Variants in DOCK4 observed in about 807,000 individuals in gnomAD.
DOCK4 encodes dedicator of cytokinesis 4, also known as dedicator of cytokinesis protein 4.
In DOCK4, 97 loss-of-function variants were observed where a neutral mutation model predicts 268.1. The observed-to-expected ratio is 0.36, with a 90% CI of 0.31 to 0.43. The LOEUF (loss-of-function observed/expected upper bound fraction) is 0.43. Ranked by LOEUF, DOCK4 falls within the 20% of genes least tolerant of loss-of-function variation. The pLI is 1.00. For missense variants in DOCK4, 2,145 were observed against 2,455.7 expected, an observed-to-expected ratio of 0.87 and a Z score of 2.67; for synonymous variants, 954 against 887.2, an observed-to-expected ratio of 1.08 and a Z score of -1.34.
chr7:111,733,355 GGTCA>G (rs1563423375), intron 51 of DOCK4, among the ~76,000 whole-genome samples: 1 of 152,154 alleles, frequency 6.6e-6, no homozygotes, highest in Non-Finnish European at 1.5e-5. Flanking sequence ...GGTCCTAAGG[GGTCA>G]GTGAGAGTGC....
intron 1 of DOCK4, among the ~76,000 whole-genome samples, chr7:112,082,169 T>C (rs185575194): frequency 5.3e-5 from 8 of 152,260 alleles, no homozygotes; most frequent in East Asian, 1.9e-4. Flanking sequence ...TAATGAAATA[T>C]TGAACCTGAA....
chr7:112,174,399 A>G (rs887914642), intron 1 of DOCK4, among the ~76,000 whole-genome samples: 1 of 152,120 alleles, frequency 6.6e-6, no homozygotes, highest in African/African-American at 2.4e-5. Flanking sequence ...CTGACATTCT[A>G]TCACGAAAAG....
At chr7:111,815,630 TCCCCCA>T (rs1801484713) in intron 27 of DOCK4, among the ~76,000 whole-genome samples, 4 of 126,544 alleles carry the variant, frequency 3.2e-5, no homozygotes, top group African/African-American at 1.2e-4. Context: ...TTCCTTCCCC[TCCCCCA>T]TCCCCTCCCC....
At chr7:111,870,209 AT>A (rs1310817094) in intron 20 of DOCK4, among the ~76,000 whole-genome samples, 1 of 151,598 alleles carries the variant, frequency 6.6e-6, no homozygotes, top group Non-Finnish European at 1.5e-5. Flanking sequence ...GGCCAAGGTA[AT>A]TTTTTTTCCT....
At chr7:111,772,763 T>A (rs1290910302) in intron 36 of DOCK4, among the ~76,000 whole-genome samples, 8 of 152,044 alleles carry the variant, frequency 5.3e-5, no homozygotes, top group African/African-American at 7.2e-5. Context: ...GCCATTGCAC[T>A]CCAGCCTGGG....
chr7:111,925,636 C>T (rs550271780), intron 12 of DOCK4, among the ~76,000 whole-genome samples: 1 of 152,164 alleles, frequency 6.6e-6, no homozygotes, highest in East Asian at 1.9e-4. Context: ...TACTCAAAGC[C>T]TCTACCCAGT....
intron 1 of DOCK4, among the ~76,000 whole-genome samples, chr7:112,143,937 T>C (rs947239176): frequency 2.0e-5 from 3 of 152,236 alleles, no homozygotes; most frequent in African/African-American, 4.8e-5. Flanking sequence ...CCTACACGGA[T>C]TGTAAACTTT....
intron 25 of DOCK4, among the ~76,000 whole-genome samples, chr7:111,840,190 C>T (rs143665151): frequency 2.6e-5 from 4 of 152,134 alleles, no homozygotes; most frequent in African/African-American, 7.2e-5. Flanking sequence ...ACTGTCTTCA[C>T]GAAACCTATT....
chr7:112,022,217 G>A (rs1052691580), intron 1 of DOCK4, among the ~76,000 whole-genome samples: 7 of 152,152 alleles, frequency 4.6e-5, no homozygotes, highest in African/African-American at 1.2e-4. Context: ...AACATCTACC[G>A]CAGACTGGAT....
At chr7:112,135,935 C>A (rs953837358) in intron 1 of DOCK4, among the ~76,000 whole-genome samples, 4 of 152,160 alleles carry the variant, frequency 2.6e-5, no homozygotes, top group Non-Finnish European at 4.4e-5. Context: ...TCCAGGCCAC[C>A]TGCCCCAAAT....
intron 23 of DOCK4, among the ~76,000 whole-genome samples, chr7:111,862,214 G>A (rs1267987969): frequency 1.3e-5 from 2 of 151,510 alleles, no homozygotes; most frequent in Non-Finnish European, 2.9e-5. Context: ...CAGGACAATC[G>A]CTTGAACCTG....
intron 1 of DOCK4, among the ~76,000 whole-genome samples, chr7:112,125,858 G>T (rs1813173642): frequency 6.6e-6 from 1 of 151,936 alleles, no homozygotes; most frequent in Admixed American, 6.6e-5. Context: ...ACCCAGACTG[G>T]GATACTGTGG....
At chr7:112,159,893 T>C (rs972219150) in intron 1 of DOCK4, among the ~76,000 whole-genome samples, 3 of 146,308 alleles carry the variant, frequency 2.1e-5, no homozygotes, top group African/African-American at 8.0e-5. Flanking sequence ...TATACACACA[T>C]AATGTATATA....
At chr7:111,883,534 C>A (rs147845626) in intron 16 of DOCK4, among the ~76,000 whole-genome samples, 1 of 152,296 alleles carries the variant, frequency 6.6e-6, no homozygotes, top group East Asian at 1.9e-4. Context: ...TCTCCTCCCC[C>A]TAACTGCCTG....
chr7:111,877,101 T>G lies in DOCK4; in HGVS notation c.1673A>C (p.Gln558Pro). Residue 558 changes from glutamine (Q) to proline (P), a missense_variant, in exon 17 of 53, where the codon CAA (glutamine) becomes CCA (proline). Gln to Pro is a moderately conservative substitution (Grantham distance 76). Around this residue, in one of 2 missense-constraint regions of DOCK4, gnomAD observed 1,598 missense variants for 1,986.7 expected, o/e 0.80. Coordinates refer to ENST00000428084, the MANE Select transcript of DOCK4 (RefSeq NM_001363540.2). ...SKGIFLGNNN[Q>P]AMKATKESFC... ...GGACTCCTTTGTGGCCTTCATGGCTTGATTATTATTCCCAAGGAAAATGCC... is the reference window on the plus strand; with the variant it reads ...GGACTCCTTTGTGGCCTTCATGGCTGGATTATTATTCCCAAGGAAAATGCC... 6.3e-7 allele frequency: 1 copy of G among 1,593,638 alleles called. No homozygotes were observed. The highest frequency in any genetic ancestry group is 8.5e-7 in the Non-Finnish European group (1 of 1,170,910).
At chr7:111,757,875 A>G (rs966892745) in intron 41 of DOCK4, among the ~76,000 whole-genome samples, 2 of 151,498 alleles carry the variant, frequency 1.3e-5, no homozygotes, top group African/African-American at 4.9e-5. Context: ...TTGTTTAGAT[A>G]TGAAATACTA....
chr7:112,106,056 G>T (rs2115575341), intron 1 of DOCK4, among the ~76,000 whole-genome samples: 1 of 152,306 alleles, frequency 6.6e-6, no homozygotes. Context: ...AACAGATTCT[G>T]TTTGGCTGTT....
chr7:112,043,100 C>T (rs532263751), intron 1 of DOCK4, among the ~76,000 whole-genome samples: 2 of 152,264 alleles, frequency 1.3e-5, no homozygotes, highest in East Asian at 3.9e-4. Context: ...TATAAATTAT[C>T]CAGTCTCAGG....
At chr7:111,878,770 T>C (rs979931319) in intron 16 of DOCK4, among the ~76,000 whole-genome samples, 26 of 152,202 alleles carry the variant, frequency 1.7e-4, no homozygotes, top group Admixed American at 2.6e-4. Context: ...GGAGGGAGCA[T>C]TGAGACCAGC....
Sources: gnomAD v4.1 joint callset for allele counts (sites outside exome capture counted in the v4.1 genomes callset) on GRCh38, gnomAD v4.1.1 for gene constraint, gnomAD v4.1.1 regional missense constraint, MANE v1.5 for transcripts, NCBI Gene and HGNC (gene_info 2026-07-23, HGNC 2026-07-21) for gene names.